The following PIGN variants were observed in gnomAD, a reference collection of about 807,000 sequenced individuals.
PIGN encodes the protein phosphatidylinositol glycan anchor biosynthesis class N, also known as GPI ethanolamine phosphate transferase 1.
In PIGN, 117 loss-of-function variants were observed where a neutral mutation model predicts 125.4. The ratio of observed to expected loss-of-function variants is 0.93; its 90% CI spans 0.80 to 1.09. The LOEUF (loss-of-function observed/expected upper bound fraction) is 1.09, where lower values mean the gene tolerates loss of function less well. Ranked by LOEUF, PIGN falls within the 50% of genes least tolerant of loss-of-function variation. The pLI is 0.00. For missense variants in PIGN, 1,075 were observed against 1,094.9 expected, an observed-to-expected ratio of 0.98 and a Z score of 0.26; for synonymous variants, 392 against 377.8, an observed-to-expected ratio of 1.04 and a Z score of -0.44.
intron 23 of PIGN, among the ~76,000 whole-genome samples, chr18:62,027,448 C>G (rs1188543007): frequency 3.9e-5 from 6 of 152,154 alleles, no homozygotes; most frequent in Non-Finnish European, 4.4e-5. Flanking sequence ...CATGAGACAC[C>G]AATCAAGATA....
intron 28 of PIGN, 58 bp from the exon 29 acceptor site, chr18:62,074,879 C>A: frequency 1.6e-6 from 2 of 1,229,472 alleles, no homozygotes; most frequent in South Asian, 2.6e-5. Context: ...TTTTCAAGCT[C>A]ATTAAAATCC....
intron 14 of PIGN, among the ~76,000 whole-genome samples, chr18:62,127,713 C>T (rs2035588381): frequency 6.6e-6 from 1 of 151,614 alleles, no homozygotes; most frequent in South Asian, 2.1e-4. Flanking sequence ...TTTTTTGAGA[C>T]AAGGTATTGC....
intron 30 of PIGN, among the ~76,000 whole-genome samples, chr18:62,049,323 T>G (rs1200172803): frequency 6.6e-6 from 1 of 150,926 alleles, no homozygotes; most frequent in Non-Finnish European, 1.5e-5. Flanking sequence ...CCACCAACAG[T>G]GTAAAAGTGT....
chr18:62,101,323 C>A (rs2034430695), intron 21 of PIGN, 140 bp from the exon 22 acceptor site: 1 of 625,492 alleles, frequency 1.6e-6, no homozygotes, highest in Non-Finnish European at 2.8e-6. Context: ...ATACAGTGGA[C>A]AGTACAGGAA....
At chr18:62,081,317 C>T (rs2033437372) in intron 28 of PIGN, among the ~76,000 whole-genome samples, 2 of 152,004 alleles carry the variant, frequency 1.3e-5, no homozygotes, top group South Asian at 4.1e-4. Context: ...GGTGGCTGGA[C>T]TTCAGCTTGT....
chr18:62,031,392 A>G (rs1353111330), intron 23 of PIGN, among the ~76,000 whole-genome samples: 4 of 152,232 alleles, frequency 2.6e-5, no homozygotes, highest in Non-Finnish European at 4.4e-5. Flanking sequence ...CTCATAAACC[A>G]AGACTGAGGA....
intron 14 of PIGN, 155 bp downstream of exon 14, chr18:62,138,088 A>T: frequency 9.5e-7 from 1 of 1,051,832 alleles, no homozygotes; most frequent in Non-Finnish European, 1.3e-6. Context: ...ATTATTTAAC[A>T]ACAGCAATAG....
chr18:62,113,094 T>C (rs746817097), intron 16 of PIGN, 40 bp downstream of exon 16: 2 of 1,488,830 alleles, frequency 1.3e-6, no homozygotes, highest in Non-Finnish European at 1.8e-6. Flanking sequence ...TACTAGTGAT[T>C]TTATACCATC....
intron 16 of PIGN, among the ~76,000 whole-genome samples, chr18:62,111,676 T>G (rs1221170320): frequency 6.6e-6 from 1 of 152,158 alleles, no homozygotes; most frequent in East Asian, 1.9e-4. Flanking sequence ...AGCAAGCTTG[T>G]CCAGTCTGCA....
rs1240486062 is a variant in PIGN at position 62,140,922 on chromosome 18, A to G, written c.964-443T>C. On this transcript the variant is annotated intron_variant, in intron 11 of 30. Coordinates refer to ENST00000640252, the MANE Select transcript of PIGN (RefSeq NM_176787.5). The stretch of plus-strand genomic sequence containing the variant: ...GTGATGTCCAGAAAAGACATAAACC[A>G]GAGAAGAGGCTCTTTAGTCAAAAGA... 2.0e-5 allele frequency among the ~76,000 whole-genome samples: 3 copies of G among 152,200 alleles called. 1 individual carries two copies. The East Asian group carries it at 5.8e-4, about 29-fold the overall frequency.
intron 23 of PIGN, among the ~76,000 whole-genome samples, chr18:62,021,398 T>G (rs2030053507): frequency 1.3e-5 from 2 of 152,198 alleles, no homozygotes; most frequent in African/African-American, 2.4e-5. Flanking sequence ...AGACACAGGC[T>G]TTCTGGGTCA....
chr18:62,026,490 T>G (rs750947687), intron 23 of PIGN, among the ~76,000 whole-genome samples: 3 of 152,118 alleles, frequency 2.0e-5, no homozygotes, highest in Non-Finnish European at 4.4e-5. Flanking sequence ...AAGAACCAAC[T>G]GATGACAAAT....
In PIGN at chr18:62,168,612, G is replaced by C. The variant is rs546968109; in HGVS notation, c.-235-4956C>G. 7.9e-5 allele frequency among the ~76,000 whole-genome samples: 12 copies of C among 151,996 alleles called. No homozygotes were observed. The East Asian group carries it at 1.9e-3, about 24-fold the overall frequency. ...TACTCTCTTATACACCTACAGTATAGGTATCAATTCAGTAAATTCAACATC... is the reference window on the plus strand; with the variant it reads ...TACTCTCTTATACACCTACAGTATACGTATCAATTCAGTAAATTCAACATC... On this transcript the variant is annotated intron_variant, in intron 1 of 30. Coordinates refer to ENST00000640252, the MANE Select transcript of PIGN (RefSeq NM_176787.5).
chr18:62,158,032 A>T (rs2036805273), intron 4 of PIGN: 1 of 447,790 alleles, frequency 2.2e-6, no homozygotes, highest in Non-Finnish European at 4.1e-6. Context: ...ACAAAGAACC[A>T]TTCAACCACT....
intron 2 of PIGN, among the ~76,000 whole-genome samples, chr18:62,162,722 A>AG (rs1047978475): frequency 2.0e-5 from 3 of 152,268 alleles, no homozygotes; most frequent in Admixed American, 6.5e-5. Flanking sequence ...TGACAAAGAG[A>AG]ATCTTTATGT....
chr18:62,129,798 A>G (rs956227086), intron 14 of PIGN, among the ~76,000 whole-genome samples: 1 of 152,224 alleles, frequency 6.6e-6, no homozygotes, highest in African/African-American at 2.4e-5. Flanking sequence ...TGAAATGATG[A>G]CAAATGTAAA....
At chr18:62,158,672 T>C (rs940117651) in intron 4 of PIGN, among the ~76,000 whole-genome samples, 3 of 152,250 alleles carry the variant, frequency 2.0e-5, no homozygotes, top group African/African-American at 7.2e-5. Context: ...TATCTGCCTC[T>C]CAATACATTC....
At chr18:62,083,238 A>G (rs912482702) in intron 27 of PIGN, among the ~76,000 whole-genome samples, 5 of 152,132 alleles carry the variant, frequency 3.3e-5, no homozygotes, top group African/African-American at 9.7e-5. Context: ...ATGATTATAA[A>G]ATTCACACTC....
rs779224293 is a variant in PIGN, at chr18:62,148,262, T to G, written c.626A>C (p.His209Pro). Reference protein sequence around the residue: ...INEEKIVFFLHLLGIDTNGHA... With the variant: ...INEEKIVFFLPLLGIDTNGHA... ...TCCGTTTGTATCTATTCCTAATAAA[T>G]GTAAGAAAAAAACTATTTTCTCTTC... The change falls in exon 8 of 31, where the codon CAT becomes CCT. Residue 209 changes from histidine to proline, a missense_variant. Transcript: ENST00000640252. 2 of 1,538,782 alleles carry G rather than the reference T, an allele frequency of 1.3e-6. No homozygotes were observed. Among genetic ancestry groups the G allele is most frequent in the South Asian group, 2.5e-5 (2 of 81,030 alleles).
Sources: allele counts gnomAD v4.1 joint callset (sites outside exome capture counted in the v4.1 genomes callset), GRCh38; gene constraint gnomAD v4.1.1; transcripts MANE v1.5; gene names NCBI Gene and HGNC (gene_info 2026-07-23, HGNC 2026-07-21).